RGS7: variants seen among roughly 807,000 people sequenced by gnomAD.
The protein encoded by RGS7 is regulator of G-protein signaling 7.
RGS7 carries 27 observed loss-of-function variants against 81.1 expected under a neutral mutation model. The ratio of observed to expected loss-of-function variants is 0.33; its 90% confidence interval spans 0.25 to 0.46. RGS7 has a LOEUF of 0.46. Ranked by LOEUF, RGS7 falls within the 20% of genes least tolerant of loss-of-function variation. RGS7 has a pLI of 1.00. For missense variants in RGS7, 396 were observed against 607.4 expected (o/e 0.65, Z 3.66); for synonymous variants, 208 against 207.7 (o/e 1.00, Z -0.01).
At chr1:241,299,720 C>A (rs12354404) in intron 2 of RGS7, among the ~76,000 whole-genome samples, 2 of 151,658 alleles carry the variant, frequency 1.3e-5, no homozygotes, top group South Asian at 4.2e-4. Context: ...CAACCTGGTA[C>A]GATTACATAT....
chr1:241,321,490 C>G (rs1183700041), intron 2 of RGS7, among the ~76,000 whole-genome samples: 1 of 152,150 alleles, frequency 6.6e-6, no homozygotes, highest in African/African-American at 2.4e-5. Flanking sequence ...ATCAGATTCA[C>G]TTTCCAAAGG....
intron 2 of RGS7, among the ~76,000 whole-genome samples, chr1:241,318,197 G>C (rs1486654505): frequency 2.0e-5 from 3 of 152,060 alleles, no homozygotes; most frequent in Non-Finnish European, 4.4e-5. Context: ...AAAATTGTTT[G>C]GTCAATACTG....
At chr1:240,837,436 C>T (rs1694904324) in intron 9 of RGS7, among the ~76,000 whole-genome samples, 1 of 152,156 alleles carries the variant, frequency 6.6e-6, no homozygotes, top group African/African-American at 2.4e-5. Context: ...TGTTCTATAT[C>T]CTGGGTTGGC....
intron 18 of RGS7, among the ~76,000 whole-genome samples, chr1:240,794,937 CTT>C (rs1235371313): frequency 6.6e-6 from 1 of 151,982 alleles, no homozygotes; most frequent in East Asian, 1.9e-4. Flanking sequence ...AATCCCAGCA[CTT>C]TGGGAGGCCG....
At chr1:240,827,864 C>CAAAAAAAAAAAAAA (rs57562408) in intron 9 of RGS7, among the ~76,000 whole-genome samples, 1 of 52,864 alleles carries the variant, frequency 1.9e-5, no homozygotes, top group Non-Finnish European at 4.1e-5. Context: ...AACTCCATTG[C>CAAAAAAAAAAAAAA]AAAAAAAAAA....
rs797018052 is a variant in RGS7 at position 240,972,550 on chromosome 1, G to A, written c.226+10529C>T. On this transcript the variant is annotated intron_variant, in intron 4 of 18. Transcript: ENST00000440928. ...ATCACACTCTGGGGACTGTGGTGGG[G>A]TGGGGGGAGGGGGGAGGGATAGCAT... Among the ~76,000 whole-genome samples the A allele has an allele frequency of 5.7e-3, 537 of 93,986 alleles. 9 individuals are homozygous for A. Among genetic ancestry groups the A allele is most frequent in the African/African-American group, 0.021 (516 of 24,148 alleles). 61.7% of individuals were successfully genotyped at this position (93,986 alleles called of 152,430 possible). A position where few individuals can be genotyped will look rare whatever the true frequency, so the allele number is the denominator to read the frequency against.
At chr1:241,044,626 C>G (rs1179918063) in intron 3 of RGS7, among the ~76,000 whole-genome samples, 3 of 151,778 alleles carry the variant, frequency 2.0e-5, no homozygotes, top group Non-Finnish European at 4.4e-5. Context: ...GAGATAGAGT[C>G]TCGCTATATT....
chr1:240,834,548 C>T (rs918258806), intron 9 of RGS7, among the ~76,000 whole-genome samples: 2 of 152,104 alleles, frequency 1.3e-5, no homozygotes, highest in South Asian at 2.1e-4. Context: ...TCTCGCTCCA[C>T]CGCCCAGACT....
At chr1:241,250,473 T>A (rs891053481) in intron 2 of RGS7, among the ~76,000 whole-genome samples, 1 of 152,198 alleles carries the variant, frequency 6.6e-6, no homozygotes, top group Non-Finnish European at 1.5e-5. Flanking sequence ...GGGATTTTTT[T>A]TTTTTTGGAC....
intron 3 of RGS7, among the ~76,000 whole-genome samples, chr1:241,072,468 C>T (rs757527356): frequency 1.3e-5 from 2 of 152,166 alleles, no homozygotes; most frequent in Non-Finnish European, 2.9e-5. Flanking sequence ...TTCCCATCAA[C>T]CTACCTGGTA....
At chr1:241,274,133 G>A (rs1331778852) in intron 2 of RGS7, among the ~76,000 whole-genome samples, 1 of 152,228 alleles carries the variant, frequency 6.6e-6, no homozygotes, top group Non-Finnish European at 1.5e-5. Context: ...GCTGTAGAGT[G>A]TCTGGCTTGA....
intron 3 of RGS7, among the ~76,000 whole-genome samples, chr1:241,089,063 C>CTCTCTCTCTCTCTCTCTATATA (rs1374552672): frequency 4.2e-5 from 1 of 23,684 alleles, no homozygotes; most frequent in Non-Finnish European, 7.4e-5. Flanking sequence ...CTCTCTCTCT[C>CTCTCTCTCTCTCTCTCTATATA]TATATATATA....
intron 2 of RGS7, among the ~76,000 whole-genome samples, chr1:241,194,484 TG>T (rs1558176794): frequency 6.6e-6 from 1 of 152,196 alleles, no homozygotes; most frequent in East Asian, 1.9e-4. Flanking sequence ...AAGTCGGCGA[TG>T]GAGCCTCCAA....
intron 2 of RGS7, among the ~76,000 whole-genome samples, chr1:241,270,146 C>T (rs1303811645): frequency 6.6e-6 from 1 of 152,164 alleles, no homozygotes; most frequent in Non-Finnish European, 1.5e-5. Context: ...CTCTGCCCGC[C>T]TCCACTGGCT....
intron 18 of RGS7, among the ~76,000 whole-genome samples, chr1:240,799,721 G>A (rs1687726724): frequency 6.6e-6 from 1 of 152,258 alleles, no homozygotes; most frequent in Admixed American, 6.5e-5. Context: ...AAGCAAAAAT[G>A]TCCTTGCATT....
At chr1:241,211,829 A>G (rs533398342) in intron 2 of RGS7, among the ~76,000 whole-genome samples, 2 of 152,354 alleles carry the variant, frequency 1.3e-5, no homozygotes, top group South Asian at 4.1e-4. Context: ...TCGATGCCTC[A>G]GTTTCCTAAT....
chr1:241,171,992 G>A (rs74150232), intron 2 of RGS7, among the ~76,000 whole-genome samples: 2,488 of 152,232 alleles, frequency 0.016, 82 homozygotes, highest in African/African-American at 0.057. Context: ...TCCACTTAAC[G>A]ACCCAAAAAG....
chr1:240,903,633 TG>T (rs1355659800), intron 6 of RGS7, among the ~76,000 whole-genome samples: 2 of 152,282 alleles, frequency 1.3e-5, no homozygotes, highest in East Asian at 3.9e-4. Context: ...GCTTTTGCTA[TG>T]GTTTGGATAT....
chr1:240,856,172 G>A (rs1032692382), intron 9 of RGS7, among the ~76,000 whole-genome samples: 1 of 152,054 alleles, frequency 6.6e-6, no homozygotes, highest in African/African-American at 2.4e-5. Flanking sequence ...TTAATAAAAT[G>A]TATTAGCCCG....
Sources: gnomAD v4.1 joint callset for allele counts (sites outside exome capture counted in the v4.1 genomes callset) on GRCh38, gnomAD v4.1.1 for gene constraint, MANE v1.5 for transcripts, NCBI Gene and HGNC (gene_info 2026-07-23, HGNC 2026-07-21) for gene names.